The following UGT2B17 variants were observed in gnomAD, a reference collection of about 807,000 sequenced individuals.
UGT2B17 encodes the protein UDP-glucuronosyltransferase 2B17.
In UGT2B17, 21 loss-of-function variants were observed where a neutral mutation model predicts 48.2. The observed-to-expected ratio is 0.44, with a 90% CI of 0.31 to 0.63. The LOEUF (loss-of-function observed/expected upper bound fraction) is 0.63. Among genes scored for constraint, UGT2B17 ranks in the 20% least tolerant of loss-of-function variants. The pLI is 0.08. For missense variants in UGT2B17, 402 were observed against 696.1 expected (o/e 0.58, Z 4.75); for synonymous variants, 146 against 238.4 (o/e 0.61, Z 3.57).
At chr4:68,547,721 A>T in intron 6 of UGT2B17, among the ~76,000 whole-genome samples, 1 of 79,744 alleles carries the variant, frequency 1.3e-5, no homozygotes, top group Admixed American at 1.3e-4. Flanking sequence ...ACTCAAACAA[A>T]TTTACAAGAA....
At chr4:68,542,794 A>T (rs1317627038) in intron 6 of UGT2B17, among the ~76,000 whole-genome samples, 2 of 127,168 alleles carry the variant, frequency 1.6e-5, no homozygotes, top group African/African-American at 2.7e-5. Context: ...AGGAGATTAT[A>T]TCGCGCACCT....
At chr4:68,545,080 G>T (rs1730770542) in intron 6 of UGT2B17, among the ~76,000 whole-genome samples, 1 of 125,596 alleles carries the variant, frequency 8.0e-6, no homozygotes, top group African/African-American at 2.7e-5. Context: ...GGACCTAATA[G>T]ACATCTACAG....
rs1294851916 is a variant in UGT2B17 at position 68,565,509 on chromosome 4, A to T, written c.873+63T>A. The T allele has an allele frequency of 2.4e-5, 30 of 1,246,210 alleles. 8 individuals are homozygous for T. The highest frequency in any genetic ancestry group is 2.7e-5 in the Non-Finnish European group (26 of 965,260). 77.2% of individuals were successfully genotyped at this position (1,246,210 alleles called of 1,614,324 possible). A position where few individuals can be genotyped will look rare whatever the true frequency, so the allele number is the denominator to read the frequency against. On this transcript the variant is annotated intron_variant, in intron 3 of 6. Coordinates refer to ENST00000317746, the MANE Select transcript of UGT2B17 (RefSeq NM_001077.4). Reference sequence around the variant, plus strand: ...CACTCTGAGTTAAACACTCTGAAAGAAACATATCCAGCCATTCCTTCTGAA... The same window carrying T: ...CACTCTGAGTTAAACACTCTGAAAGTAACATATCCAGCCATTCCTTCTGAA...
At chr4:68,572,228 A>G (rs1332455530) in intron 1 of UGT2B17, among the ~76,000 whole-genome samples, 1 of 126,288 alleles carries the variant, frequency 7.9e-6, no homozygotes, top group Non-Finnish European at 1.7e-5. Flanking sequence ...GCTTACTATT[A>G]ATAGCGGCAC....
chr4:68,550,608 T>G lies in UGT2B17; in HGVS notation c.1313+69A>C. ...CAAAATTAGTCTCTTAACAAAGGGT[T>G]CAAACTCATATTCACTGTTGACAAA... is the stretch of plus-strand genomic sequence containing the variant. On this transcript the variant is annotated intron_variant, in intron 6 of 6. Transcript: ENST00000317746. The G allele has an allele frequency of 2.5e-6, 3 of 1,192,766 alleles. 1 individual carries two copies. Among genetic ancestry groups the G allele is most frequent in the Non-Finnish European group, 3.3e-6 (3 of 901,068 alleles). The allele number at this position is 1,192,766 out of a possible 1,614,324, so 73.9% of individuals were successfully genotyped here.
intron 4 of UGT2B17, among the ~76,000 whole-genome samples, chr4:68,556,774 T>C (rs543395181): frequency 7.9e-6 from 1 of 126,054 alleles, no homozygotes; most frequent in Non-Finnish European, 1.7e-5. Flanking sequence ...TAGGGCTTAT[T>C]GTTTGGCAAA....
rs1731094190 is a variant in UGT2B17, at chr4:68,561,075, AT to A, written c.874-408del. On this transcript the variant is annotated intron_variant, in intron 3 of 6. Transcript: ENST00000317746. ...TAGTTCTACTAAATCTCTTGTGTTT[AT>A]TTGGGGTCATTTTATTTTATTTTTT... 1.6e-5 allele frequency among the ~76,000 whole-genome samples: 2 copies of A among 123,178 alleles called. 1 individual carries two copies. Among genetic ancestry groups the A allele is most frequent in the South Asian group, 7.7e-4 (2 of 2,606 alleles). 80.8% of individuals were successfully genotyped at this position (123,178 alleles called of 152,430 possible). A position where few individuals can be genotyped will look rare whatever the true frequency, so the allele number is the denominator to read the frequency against.
At chr4:68,542,433 G>A (rs540418813) in intron 6 of UGT2B17, among the ~76,000 whole-genome samples, 1 of 126,352 alleles carries the variant, frequency 7.9e-6, no homozygotes, top group Admixed American at 8.1e-5. Flanking sequence ...GATGGGAATA[G>A]CTTTGAATAT....
Position 68,564,294 on chromosome 4 carries a change from A to ATATATATT in UGT2B17, c.873+1277_873+1278insAATATATA, listed in dbSNP as rs1366181355. On this transcript the variant is annotated intron_variant, in intron 3 of 6. Coordinates refer to ENST00000317746, the MANE Select transcript of UGT2B17 (RefSeq NM_001077.4). ...ATTTCATATATATATATATATATAT[A>ATATATATT]TTTTTTTTTTTTGAGACAGAGTCTC... Among the ~76,000 whole-genome samples the ATATATATT allele has an allele frequency of 2.1e-4, 16 of 75,758 alleles. 2 individuals carry two copies. The South Asian group carries it at 2.8e-3, about 13-fold the overall frequency. 49.7% of individuals were successfully genotyped at this position (75,758 alleles called of 152,430 possible). A position where few individuals can be genotyped will look rare whatever the true frequency, so the allele number is the denominator to read the frequency against.
chr4:68,559,139 G>T (rs1406303648), intron 4 of UGT2B17, among the ~76,000 whole-genome samples: 4 of 124,376 alleles, frequency 3.2e-5, no homozygotes, highest in African/African-American at 1.1e-4. Flanking sequence ...ATTAATTTTT[G>T]AGTGATATGG....
In UGT2B17 at chr4:68,565,088, T is replaced by C. The variant is rs1731173635; in HGVS notation, c.873+484A>G. Among the ~76,000 whole-genome samples, 2 of 126,458 alleles carry C rather than the reference T, an allele frequency of 1.6e-5. 1 individual carries two copies. The highest frequency in any genetic ancestry group is 7.4e-4 in the South Asian group (2 of 2,706). The allele number at this position is 126,458 out of a possible 152,430, so 83.0% of individuals were successfully genotyped here. On this transcript the variant is annotated intron_variant, in intron 3 of 6. Transcript: ENST00000317746. ...CATTATTGAGTACTCACTTTAATTG[T>C]CAATGAGTTTGGGATCTCTTCTGCA... is the stretch of plus-strand genomic sequence containing the variant.
intron 4 of UGT2B17, among the ~76,000 whole-genome samples, chr4:68,555,359 T>C (rs1416398248): frequency 7.9e-6 from 1 of 126,620 alleles, no homozygotes; most frequent in Non-Finnish European, 1.7e-5. Context: ...TAAGTAAGAT[T>C]ATCATAACTT....
Position 68,573,401 on chromosome 4 carries a change from C to T in UGT2B17, c.-65+2550G>A, listed in dbSNP as rs1731325330. Among the ~76,000 whole-genome samples the T allele has an allele frequency of 2.4e-5, 3 of 122,452 alleles. No homozygotes were observed. The Admixed American group carries it at 2.5e-4, about 10-fold the overall frequency. The allele number at this position is 122,452 out of a possible 152,430, so 80.3% of individuals were successfully genotyped here. On this transcript the variant is annotated intron_variant, in intron 1 of 6. Coordinates refer to ENST00000317746, the MANE Select transcript of UGT2B17 (RefSeq NM_001077.4). ...TTTTTTTTTTAACTCATGAAAAGCT[C>T]TTTGCTGTTGGTTGTAATAGATGTA...
intron 1 of UGT2B17, among the ~76,000 whole-genome samples, chr4:68,571,865 A>G (rs1246463841): frequency 2.4e-5 from 3 of 126,140 alleles, no homozygotes; most frequent in African/African-American, 8.2e-5. Flanking sequence ...AGTCTGAAAC[A>G]CTGGTTCTGG....
chr4:68,573,087 T>A lies in UGT2B17; in HGVS notation c.-65+2864A>T, dbSNP rs747902111. 2.3e-5 allele frequency among the ~76,000 whole-genome samples: 3 copies of A among 127,740 alleles called. 1 individual carries two copies. The highest frequency in any genetic ancestry group is 3.3e-5 in the Non-Finnish European group (2 of 59,974). 83.8% of individuals were successfully genotyped at this position (127,740 alleles called of 152,430 possible). ...TTAGCTAATGATGTCCTTTGGTATT[T>A]ATTAAAATTACCACAGCATGGGGAG... On this transcript the variant is annotated intron_variant, in intron 1 of 6. Coordinates refer to ENST00000317746, the MANE Select transcript of UGT2B17 (RefSeq NM_001077.4).
rs1730587332 is a variant in UGT2B17 at position 68,538,040 on chromosome 4, T to C, written c.1314-136A>G. 4.1e-5 allele frequency: 27 copies of C among 654,662 alleles called. 4 individuals are homozygous for C. The highest frequency in any genetic ancestry group is 3.8e-4 in the Admixed American group (9 of 23,476). 40.6% of individuals were successfully genotyped at this position (654,662 alleles called of 1,614,324 possible). A position where few individuals can be genotyped will look rare whatever the true frequency, so the allele number is the denominator to read the frequency against. On this transcript the variant is annotated intron_variant, in intron 6 of 6. Transcript: ENST00000317746. ...TCATTGAATTGACATAAAATATTAA[T>C]GTTTTAATGTATGTCATTACAGAAA...
rs1421879763 is a variant in UGT2B17, at chr4:68,549,641, A to C, written c.1313+1036T>G. The stretch of plus-strand genomic sequence containing the variant: ...ACTAGAAAGGCTGTAATAGAAAGAC[A>C]GGTGATAACAAGTGTTGGGAAGAGT... On this transcript the variant is annotated intron_variant, in intron 6 of 6. Coordinates refer to ENST00000317746, the MANE Select transcript of UGT2B17 (RefSeq NM_001077.4). Among the ~76,000 whole-genome samples, 10 of 125,588 alleles carry C rather than the reference A, an allele frequency of 8.0e-5. 1 individual carries two copies. Among genetic ancestry groups the C allele is most frequent in the African/African-American group, 2.4e-4 (9 of 36,882 alleles). The allele number at this position is 125,588 out of a possible 152,430, so 82.4% of individuals were successfully genotyped here.
chr4:68,572,752 C>G (rs191108048), intron 1 of UGT2B17, among the ~76,000 whole-genome samples: 1 of 126,876 alleles, frequency 7.9e-6, no homozygotes, highest in African/African-American at 2.7e-5. Context: ...TGAAGTCCTT[C>G]CTGTACAAGT....
At chr4:68,571,991 T>A (rs62317007) in intron 1 of UGT2B17, among the ~76,000 whole-genome samples, 50,166 of 123,374 alleles carry the variant, frequency 0.41, 18,284 homozygotes, top group East Asian at 0.62. Flanking sequence ...CTGAGGGGTT[T>A]GTGATTATCA....
Sources: gnomAD v4.1 joint callset for allele counts (sites outside exome capture counted in the v4.1 genomes callset) on GRCh38, gnomAD v4.1.1 for gene constraint, MANE v1.5 for transcripts, NCBI Gene and HGNC (gene_info 2026-07-23, HGNC 2026-07-21) for gene names.